Variants in CRKL observed in about 807,000 individuals in gnomAD.
CRKL encodes crk-like protein.
In CRKL, 3 loss-of-function variants were observed where a neutral mutation model predicts 23.0. The observed-to-expected ratio is 0.13, with a 90% CI of 0.06 to 0.34. CRKL has a LOEUF of 0.34. CRKL is among the 10% of genes least tolerant of loss of function. CRKL has a pLI of 1.00. For missense variants in CRKL, 256 were observed against 394.5 expected (o/e 0.65, Z 2.97); for synonymous variants, 188 against 160.7 (o/e 1.17, Z -1.28).
chr22:20,944,749 T>G (rs1921995183), intron 2 of CRKL, among the ~76,000 whole-genome samples: 1 of 151,928 alleles, frequency 6.6e-6, no homozygotes, highest in South Asian at 2.1e-4. Flanking sequence ...GGAATCACTT[T>G]TTTTTTTTTC....
intron 1 of CRKL, among the ~76,000 whole-genome samples, chr22:20,922,038 A>G (rs1158847213): frequency 9.4e-6 from 1 of 106,412 alleles, no homozygotes; most frequent in Non-Finnish European, 1.8e-5. Context: ...TTGGTAGATG[A>G]CGTCTCACTC....
At chr22:20,928,789 G>A (rs111821163) in intron 1 of CRKL, among the ~76,000 whole-genome samples, 4,195 of 129,540 alleles carry the variant, frequency 0.032, 200 homozygotes, top group African/African-American at 0.11. Flanking sequence ...CTCTAGCTCG[G>A]GCAACAGAAC....
chr22:20,936,966 T>G (rs1357812782), intron 2 of CRKL, among the ~76,000 whole-genome samples: 2 of 152,022 alleles, frequency 1.3e-5, no homozygotes, highest in Non-Finnish European at 2.9e-5. Flanking sequence ...GCTCAAGCGA[T>G]TCTTCTGCTT....
At chr22:20,949,609 TAATG>T (rs2035980131) in intron 2 of CRKL, 98 bp from the exon 3 acceptor site, 5 of 1,476,324 alleles carry the variant, frequency 3.4e-6, no homozygotes, top group East Asian at 2.3e-5. Context: ...GTCTAAATAA[TAATG>T]TATGGGCCCT....
At chr22:20,919,248 C>A (rs779932630) in intron 1 of CRKL, among the ~76,000 whole-genome samples, 5 of 152,106 alleles carry the variant, frequency 3.3e-5, no homozygotes, top group Non-Finnish European at 5.9e-5. Context: ...GCATTGGCTT[C>A]AGCGAGGATA....
intron 1 of CRKL, among the ~76,000 whole-genome samples, chr22:20,920,223 G>A (rs1043310079): frequency 1.3e-5 from 2 of 152,042 alleles, no homozygotes; most frequent in African/African-American, 2.4e-5. Flanking sequence ...AAGTTAATGG[G>A]CGGGTGTGGT....
At chr22:20,929,613 G>A (rs1389125688) in intron 1 of CRKL, among the ~76,000 whole-genome samples, 5 of 152,042 alleles carry the variant, frequency 3.3e-5, no homozygotes, top group Admixed American at 1.3e-4. Flanking sequence ...ACAGGCACAC[G>A]CCACCACACC....
intron 2 of CRKL, among the ~76,000 whole-genome samples, chr22:20,934,700 C>T (rs949463681): frequency 6.6e-6 from 1 of 151,704 alleles, no homozygotes. Flanking sequence ...AGACCCATGA[C>T]CTAGAGGCAA....
chr22:20,932,381 G>A (rs1314915666), intron 1 of CRKL, among the ~76,000 whole-genome samples: 2 of 152,142 alleles, frequency 1.3e-5, no homozygotes, highest in African/African-American at 4.8e-5. Flanking sequence ...ACAGGTCTGA[G>A]CCACCACGCC....
At chr22:20,930,099 C>G (rs1324658492) in intron 1 of CRKL, among the ~76,000 whole-genome samples, 2 of 152,062 alleles carry the variant, frequency 1.3e-5, no homozygotes, top group Non-Finnish European at 2.9e-5. Flanking sequence ...AAATGAGCCC[C>G]AAGGTCACTA....
chr22:20,929,311 C>G (rs1229374050), intron 1 of CRKL, among the ~76,000 whole-genome samples: 1 of 151,104 alleles, frequency 6.6e-6, no homozygotes, highest in African/African-American at 2.4e-5. Context: ...ACTACAGGCG[C>G]CTGCCACCAC....
At chr22:20,948,468 A>T (rs1278186814) in intron 2 of CRKL, among the ~76,000 whole-genome samples, 1 of 152,180 alleles carries the variant, frequency 6.6e-6, no homozygotes, top group Non-Finnish European at 1.5e-5. Context: ...GGTTCTATTC[A>T]GGAATCTCTA....
intron 2 of CRKL, among the ~76,000 whole-genome samples, chr22:20,940,974 T>C (rs1042227330): frequency 6.6e-6 from 1 of 152,098 alleles, no homozygotes; most frequent in Admixed American, 6.6e-5. Flanking sequence ...GATTGGACTT[T>C]GTATTGGACT....
chr22:20,923,952 T>G (rs1921094465), intron 1 of CRKL, among the ~76,000 whole-genome samples: 1 of 151,478 alleles, frequency 6.6e-6, no homozygotes, highest in Non-Finnish European at 1.5e-5. Context: ...TTCGGGAGGT[T>G]AAGGCAGGAG....
rs1267925221 is a variant in CRKL, at chr22:20,934,042, A to G, written c.575A>G (p.Asn192Ser). The G allele has an allele frequency of 5.0e-6, 8 of 1,614,062 alleles. No individual in the cohort carries two copies. The highest frequency in any genetic ancestry group is 1.3e-5 in the African/African-American group (1 of 74,934). Residue 192 changes from asparagine to serine, a missense_variant, in exon 2 of 3, where the codon AAT (asparagine) becomes AGT (serine). Around this residue, in one of 3 missense-constraint regions of CRKL, gnomAD observed 129 missense variants for 222.1 expected, o/e 0.58. Coordinates refer to ENST00000354336, the MANE Select transcript of CRKL (RefSeq NM_005207.4). ...TCCTCACCACACGGAAAGCATGGAA[A>G]TAGGAATTCCAACAGTTATGGGATC... ...VRSSPHGKHG[N>S]RNSNSYGIPE...
In CRKL at chr22:20,944,423, T is replaced by G. The variant is rs1921982932; in HGVS notation, c.778-5288T>G. Among the ~76,000 whole-genome samples, 4 of 151,936 alleles carry G rather than the reference T, an allele frequency of 2.6e-5. No individual in the cohort carries two copies. In the South Asian group the frequency reaches 8.3e-4, roughly 32 times the overall value. On this transcript the variant is annotated intron_variant, in intron 2 of 2. Coordinates refer to ENST00000354336, the MANE Select transcript of CRKL (RefSeq NM_005207.4). ...TATTCTCGTTTTGTTTTGTTTTGTT[T>G]AGACAGAGTCTTGGCTTTGTCACCA...
In CRKL at chr22:20,952,075, C is replaced by T. The variant is rs997833498; in HGVS notation, c.*2230C>T. ...TTGCCCTTTGGCCAGTGACGTGGTTCATCCCGGCCCATGTTGAGCCATGAG... is the reference window on the plus strand; with the variant it reads ...TTGCCCTTTGGCCAGTGACGTGGTTTATCCCGGCCCATGTTGAGCCATGAG... On this transcript the variant is annotated 3_prime_UTR_variant, in exon 3 of 3. Coordinates refer to ENST00000354336, the MANE Select transcript of CRKL (RefSeq NM_005207.4). 3.5e-5 allele frequency: 8 copies of T among 227,232 alleles called. No homozygotes were observed. The highest frequency in any genetic ancestry group is 1.1e-4 in the Admixed American group (2 of 17,582). 14.1% of individuals were successfully genotyped at this position (227,232 alleles called of 1,614,324 possible).
chr22:20,918,386 C>T (rs990850389), intron 1 of CRKL, 141 bp downstream of exon 1: 3 of 960,696 alleles, frequency 3.1e-6, no homozygotes, highest in South Asian at 1.7e-5. Flanking sequence ...GCCTTCCTAA[C>T]AGAAAGCTAG....
chr22:20,953,424 AAACAACAACAACAAC>A lies in CRKL; in HGVS notation c.*3593_*3607del, dbSNP rs55778752. The A allele has an allele frequency of 1.8e-5, 4 of 225,696 alleles. No individual in the cohort carries two copies. Among genetic ancestry groups the A allele is most frequent in the Admixed American group, 1.1e-4 (2 of 17,400 alleles). The allele number at this position is 225,696 out of a possible 1,614,324, so 14.0% of individuals were successfully genotyped here. On this transcript the variant is annotated 3_prime_UTR_variant, in exon 3 of 3. Coordinates refer to ENST00000354336, the MANE Select transcript of CRKL (RefSeq NM_005207.4). Reference sequence around the variant, plus strand: ...TAGACGGTCTTCACTGTGTGTTTTAAAACAACAACAACAACAACAACAACAACATAAAACTCTTTT... The same window carrying A: ...TAGACGGTCTTCACTGTGTGTTTTAAAACAACAACAACATAAAACTCTTTT...
Sources: allele counts gnomAD v4.1 joint callset (sites outside exome capture counted in the v4.1 genomes callset), GRCh38; gene constraint gnomAD v4.1.1; regional missense constraint gnomAD v4.1.1; transcripts MANE v1.5; gene names NCBI Gene and HGNC (gene_info 2026-07-23, HGNC 2026-07-21).